Variants in BTBD9 observed in about 807,000 individuals in gnomAD.
The protein encoded by BTBD9 is BTB/POZ domain-containing protein 9.
BTBD9 carries 49 observed loss-of-function variants against 64.3 expected under a neutral mutation model. That is an observed-to-expected ratio of 0.76 (90% CI 0.61 to 0.97). The LOEUF is 0.97. Among genes scored for constraint, BTBD9 ranks in the 50% least tolerant of loss-of-function variants. BTBD9 has a pLI of 0.00. For missense variants in BTBD9, 598 were observed against 762.1 expected (o/e 0.78, Z 2.53); for synonymous variants, 260 against 274.7 (o/e 0.95, Z 0.53).
intron 6 of BTBD9, chr6:38,504,687 A>G: frequency 2.3e-6 from 1 of 443,028 alleles, no homozygotes; most frequent in Admixed American, 2.4e-5. Flanking sequence ...TCCTATATAA[A>G]TACATTGTAC....
chr6:38,594,503 T>C, intron 2 of BTBD9, 176 bp from the exon 3 acceptor site: 1 of 719,764 alleles, frequency 1.4e-6, no homozygotes. Context: ...ACAAGAGGAA[T>C]GATTTTAAAA....
At chr6:38,324,529 G>A (rs1308004734) in intron 7 of BTBD9, among the ~76,000 whole-genome samples, 2 of 152,138 alleles carry the variant, frequency 1.3e-5, no homozygotes, top group Non-Finnish European at 2.9e-5. Context: ...AAGCTGCAGG[G>A]CCTGCTGAGC....
intron 9 of BTBD9, among the ~76,000 whole-genome samples, chr6:38,251,093 A>AATAATAATAAT (rs199810466): frequency 6.7e-6 from 1 of 149,168 alleles, no homozygotes; most frequent in East Asian, 2.0e-4. Flanking sequence ...GAAAAAAAAA[A>AATAATAATAAT]AATAATAATA....
At chr6:38,487,391 A>G (rs1771492906) in intron 6 of BTBD9, among the ~76,000 whole-genome samples, 1 of 152,070 alleles carries the variant, frequency 6.6e-6, no homozygotes, top group Non-Finnish European at 1.5e-5. Flanking sequence ...GACAAGCTTG[A>G]GCAATGTGGG....
At chr6:38,543,570 C>T (rs541338987) in intron 6 of BTBD9, among the ~76,000 whole-genome samples, 1 of 152,156 alleles carries the variant, frequency 6.6e-6, no homozygotes, top group Non-Finnish European at 1.5e-5. Context: ...TAGAGGCTAG[C>T]CTTTTTTGCA....
chr6:38,561,978 G>A (rs1251214814), intron 6 of BTBD9, among the ~76,000 whole-genome samples: 2 of 152,106 alleles, frequency 1.3e-5, no homozygotes, highest in Non-Finnish European at 2.9e-5. Flanking sequence ...AGTGCACCTA[G>A]TACTATAAAG....
intron 8 of BTBD9, among the ~76,000 whole-genome samples, chr6:38,259,611 G>T (rs1397428059): frequency 6.6e-6 from 1 of 152,174 alleles, no homozygotes; most frequent in Non-Finnish European, 1.5e-5. Flanking sequence ...TAGAGATAGG[G>T]TCTCACTGTG....
chr6:38,259,533 G>A (rs911289783), intron 8 of BTBD9, among the ~76,000 whole-genome samples: 1 of 152,100 alleles, frequency 6.6e-6, no homozygotes, highest in African/African-American at 2.4e-5. Flanking sequence ...CTCCCAAGTA[G>A]CTGGGATTAC....
chr6:38,216,425 C>A (rs1414157007), intron 9 of BTBD9, among the ~76,000 whole-genome samples: 2 of 152,154 alleles, frequency 1.3e-5, no homozygotes, highest in Admixed American at 6.5e-5. Flanking sequence ...GGTGGCCAAG[C>A]AAGTCTATCA....
chr6:38,521,447 C>T (rs1216157835), intron 6 of BTBD9, among the ~76,000 whole-genome samples: 3 of 152,192 alleles, frequency 2.0e-5, no homozygotes, highest in African/African-American at 7.2e-5. Context: ...AGAGGTGATT[C>T]ACATTTCAGA....
rs182945074 is a variant in BTBD9, at chr6:38,391,757, G to A, written c.1155-46664C>T. Among the ~76,000 whole-genome samples, 183 of 151,816 alleles carry A rather than the reference G, an allele frequency of 1.2e-3. 1 individual carries two copies. The highest frequency in any genetic ancestry group is 3.4e-3 in the Middle Eastern group (1 of 294). The stretch of plus-strand genomic sequence containing the variant: ...AGCATTGATCACTCTAAACCAATTG[G>A]TTCCTTCATTAGCAAGAAAATGAAG... On this transcript the variant is annotated intron_variant, in intron 6 of 10. Transcript: ENST00000481247.
rs888095377 is a variant in BTBD9 at position 38,517,521 on chromosome 6, T to C, written c.1154+60079A>G. 3.3e-5 allele frequency among the ~76,000 whole-genome samples: 5 copies of C among 152,236 alleles called. No homozygotes were observed. The South Asian group carries it at 6.2e-4, about 19-fold the overall frequency. The stretch of plus-strand genomic sequence containing the variant: ...TTTGGACTTGTATGAAAAACCACAG[T>C]GTAGTACATGGGATCTAGCATCCTG... On this transcript the variant is annotated intron_variant, in intron 6 of 10. Transcript: ENST00000481247.
intron 1 of BTBD9, among the ~76,000 whole-genome samples, chr6:38,608,168 A>C (rs547863441): frequency 6.6e-6 from 1 of 152,282 alleles, no homozygotes; most frequent in East Asian, 1.9e-4. Context: ...ATAAAATAAG[A>C]TGACTTTTAG....
intron 8 of BTBD9, among the ~76,000 whole-genome samples, chr6:38,261,500 C>T (rs1424342054): frequency 2.0e-5 from 3 of 152,152 alleles, no homozygotes; most frequent in Admixed American, 2.0e-4. Flanking sequence ...AATTTGATAG[C>T]TGAAATATCT....
chr6:38,201,548 A>G (rs1248089672), intron 9 of BTBD9, among the ~76,000 whole-genome samples: 2 of 152,292 alleles, frequency 1.3e-5, no homozygotes, highest in Admixed American at 1.3e-4. Flanking sequence ...ATGGATGCCC[A>G]CTCTCACCAC....
At position 38,383,649 on chromosome 6, in the gene BTBD9, G is replaced by A. The variant is rs143927061; in HGVS notation, c.1155-38556C>T. 1.1e-4 allele frequency among the ~76,000 whole-genome samples: 16 copies of A among 152,166 alleles called. No homozygotes were observed. The East Asian group carries it at 2.5e-3, about 24-fold the overall frequency. On this transcript the variant is annotated intron_variant, in intron 6 of 10. Transcript: ENST00000481247. ...AAGTTATAAAATTTTGTTGAATGAC[G>A]GTAAAGAAGACCAAAGTAAATGGAG...
intron 1 of BTBD9, among the ~76,000 whole-genome samples, chr6:38,623,232 T>C (rs888463317): frequency 2.0e-5 from 3 of 152,184 alleles, no homozygotes; most frequent in African/African-American, 7.2e-5. Flanking sequence ...TGCACCTTAG[T>C]CTTCCTAAGT....
At chr6:38,482,365 T>C (rs146131431) in intron 6 of BTBD9, 1 of 152,020 alleles carries the variant, frequency 6.6e-6, no homozygotes, top group African/African-American at 2.4e-5. Flanking sequence ...TAAAAGCTCA[T>C]CTTCTTTCCA....
intron 6 of BTBD9, among the ~76,000 whole-genome samples, chr6:38,492,715 T>G (rs1386473883): frequency 6.6e-6 from 1 of 152,216 alleles, no homozygotes; most frequent in African/African-American, 2.4e-5. Flanking sequence ...GTGGCACAAA[T>G]AGCATATCAA....
Sources: gnomAD v4.1 joint callset for allele counts (sites outside exome capture counted in the v4.1 genomes callset) on GRCh38, gnomAD v4.1.1 for gene constraint, MANE v1.5 for transcripts, NCBI Gene and HGNC (gene_info 2026-07-23, HGNC 2026-07-21) for gene names.